The following INPP5D variants were observed in gnomAD, a reference collection of about 807,000 sequenced individuals.
INPP5D encodes the protein inositol polyphosphate-5-phosphatase D.
In INPP5D, 33 loss-of-function variants were observed where a neutral mutation model predicts 122.9. That is an observed-to-expected ratio of 0.27 (90% confidence interval 0.20 to 0.36). The LOEUF is 0.36. Among genes scored for constraint, INPP5D ranks in the 10% least tolerant of loss-of-function variants. INPP5D has a pLI of 1.00. For missense variants in INPP5D, 1,053 were observed against 1,412.7 expected (o/e 0.75, Z 4.08); for synonymous variants, 584 against 576.2 (o/e 1.01, Z -0.19).
intron 2 of INPP5D, among the ~76,000 whole-genome samples, chr2:233,107,034 A>G (rs1001096910): frequency 3.9e-5 from 6 of 152,322 alleles, no homozygotes; most frequent in Middle Eastern, 3.4e-3. Context: ...CTCCCATGGC[A>G]CAGATACTAG....
intron 10 of INPP5D, among the ~76,000 whole-genome samples, chr2:233,158,773 TGA>T (rs2106290702): frequency 1.3e-5 from 2 of 152,006 alleles, no homozygotes; most frequent in Admixed American, 1.3e-4. Flanking sequence ...CTGGATTGAT[TGA>T]TTGATTGATT....
chr2:233,137,931 G>T, intron 5 of INPP5D, among the ~76,000 whole-genome samples: 1 of 60,954 alleles, frequency 1.6e-5, no homozygotes, highest in Non-Finnish European at 3.4e-5. Context: ...TAATATGTTA[G>T]TATTTATTAT....
At chr2:233,147,725 T>C in intron 9 of INPP5D, 131 bp downstream of exon 9, 1 of 620,100 alleles carries the variant, frequency 1.6e-6, no homozygotes, top group Non-Finnish European at 2.9e-6. Context: ...CGCTCATGCT[T>C]TTGTGTGTGT....
chr2:233,182,367 G>A, intron 18 of INPP5D, 43 bp from the exon 19 acceptor site: 1 of 1,611,010 alleles, frequency 6.2e-7, no homozygotes, highest in Non-Finnish European at 8.5e-7. Flanking sequence ...TGACCGGAAG[G>A]GCTTCTCCTT....
At chr2:233,064,607 G>T (rs1256881544) in intron 1 of INPP5D, among the ~76,000 whole-genome samples, 7 of 152,228 alleles carry the variant, frequency 4.6e-5, no homozygotes, top group Admixed American at 4.6e-4. Flanking sequence ...GGAAACCGAG[G>T]TGCAGAGCGG....
At chr2:233,157,885 C>A (rs1694096095) in intron 9 of INPP5D, among the ~76,000 whole-genome samples, 1 of 89,778 alleles carries the variant, frequency 1.1e-5, no homozygotes, top group Non-Finnish European at 2.0e-5. Context: ...CCTTATAGAA[C>A]AACTTGACTC....
intron 5 of INPP5D, among the ~76,000 whole-genome samples, chr2:233,139,305 T>C (rs886975487): frequency 0.014 from 2,087 of 152,232 alleles, 46 homozygotes; most frequent in African/African-American, 0.048. Flanking sequence ...GAGTTGTCAA[T>C]GGATGTGACA....
rs1395260815 is a variant in INPP5D at position 233,170,285 on chromosome 2, C to T, written c.1791+121C>T. The stretch of plus-strand genomic sequence containing the variant: ...CAAGTGGGCTGAGGCGGCTGCTCCC[C>T]TTGGGGGCTCAACGCTGTTTCCATT... On this transcript the variant is annotated intron_variant, in intron 15 of 26. Transcript: ENST00000445964. The surrounding 1 kb of genome is among the most constrained non-coding windows in gnomAD (Gnocchi z 4.5). 10 of 1,509,356 alleles carry T rather than the reference C, an allele frequency of 6.6e-6. No individual in the cohort carries two copies. Among genetic ancestry groups the T allele is most frequent in the Non-Finnish European group, 1.8e-6 (2 of 1,125,090 alleles). 93.5% of individuals were successfully genotyped at this position (1,509,356 alleles called of 1,614,324 possible). A position where few individuals can be genotyped will look rare whatever the true frequency, so the allele number is the denominator to read the frequency against.
At position 233,163,813 on chromosome 2, in the gene INPP5D, C is replaced by A; in HGVS notation, c.1347C>A (p.Ile449=). The change falls in exon 12 of 27, where the codon ATC becomes ATA. Residue 449 remains isoleucine, a synonymous_variant. Coordinates refer to ENST00000445964, the MANE Select transcript of INPP5D (RefSeq NM_001017915.3). The stretch of plus-strand genomic sequence containing the variant: ...ACATCCCCCATGACATTTACGTGAT[C>A]GGCACCCAAGAGGACCCCCTGAGTG... ...ADYIPHDIYV[I]GTQEDPLSEK... 6.2e-7 allele frequency: 1 copy of A among 1,613,914 alleles called. No individual in the cohort carries two copies. The highest frequency in any genetic ancestry group is 1.3e-5 in the African/African-American group (1 of 75,022).
At chr2:233,064,916 A>G (rs1691170857) in intron 1 of INPP5D, among the ~76,000 whole-genome samples, 1 of 152,226 alleles carries the variant, frequency 6.6e-6, no homozygotes, top group East Asian at 1.9e-4. Context: ...GCAATAAGGC[A>G]CTATTTTTCA....
intron 19 of INPP5D, 93 bp downstream of exon 19, chr2:233,182,592 G>C: frequency 6.4e-7 from 1 of 1,557,256 alleles, no homozygotes; most frequent in Non-Finnish European, 8.7e-7. Context: ...GTCTGCATTA[G>C]AGGAAGGCTC....
At chr2:233,168,866 A>T (rs574008434) in intron 13 of INPP5D, 1 of 156,192 alleles carries the variant, frequency 6.4e-6, no homozygotes, top group Non-Finnish European at 1.4e-5. Context: ...CCCTTTGGGA[A>T]CCACTGACCT....
chr2:233,086,189 C>CTTTCTTTT (rs60296918), intron 2 of INPP5D, among the ~76,000 whole-genome samples: 2 of 129,524 alleles, frequency 1.5e-5, no homozygotes, highest in Non-Finnish European at 3.3e-5. Context: ...TTCTTTCTTT[C>CTTTCTTTT]CTTTTTGAGA....
At chr2:233,191,092 G>A (rs1353486979) in intron 22 of INPP5D, among the ~76,000 whole-genome samples, 5 of 152,126 alleles carry the variant, frequency 3.3e-5, no homozygotes, top group African/African-American at 4.8e-5. Flanking sequence ...TACTTAAGAC[G>A]GGTAATTTAT....
chr2:233,163,975 A>T, intron 12 of INPP5D, 72 bp downstream of exon 12: 1 of 1,558,304 alleles, frequency 6.4e-7, no homozygotes, highest in Non-Finnish European at 8.7e-7. Flanking sequence ...TCTCAGAGGC[A>T]AGGGTGGGCT....
intron 2 of INPP5D, among the ~76,000 whole-genome samples, chr2:233,088,922 C>T (rs1559284015): frequency 2.6e-5 from 4 of 152,152 alleles, no homozygotes; most frequent in South Asian, 2.1e-4. Flanking sequence ...GGCCCAGGCG[C>T]GAGGGTCATG....
intron 1 of INPP5D, among the ~76,000 whole-genome samples, chr2:233,063,626 C>T (rs1222842306): frequency 6.6e-6 from 1 of 152,234 alleles, no homozygotes; most frequent in Non-Finnish European, 1.5e-5. Flanking sequence ...AGAGGTCAGC[C>T]CCGTCACCTA....
At chr2:233,169,217 C>A in intron 13 of INPP5D, 88 bp from the exon 14 acceptor site, 1 of 1,532,228 alleles carries the variant, frequency 6.5e-7, no homozygotes. Flanking sequence ...ACTCACTGCC[C>A]CTCTCACCCT....
rs1301158876 is a variant in INPP5D, at chr2:233,183,666, G to C, written c.2162-742G>C. On this transcript the variant is annotated intron_variant, in intron 19 of 26. Transcript: ENST00000445964. This position sits in a 1 kb window ranked among gnomAD's most constrained non-coding sequence, Gnocchi z 4.6. ...CTCCACGGGGGATCAGTACACAGCA[G>C]ATGCTGGAAAACACTGATCACGGGG... is the stretch of plus-strand genomic sequence containing the variant. Among the ~76,000 whole-genome samples the C allele has an allele frequency of 6.6e-6, 1 of 152,230 alleles. No homozygotes were observed. Among genetic ancestry groups the C allele is most frequent in the African/African-American group, 2.4e-5 (1 of 41,468 alleles).
Sources: allele counts gnomAD v4.1 joint callset (sites outside exome capture counted in the v4.1 genomes callset), GRCh38; gene constraint gnomAD v4.1.1; non-coding constraint Gnocchi (gnomAD v3.1); transcripts MANE v1.5; gene names NCBI Gene and HGNC (gene_info 2026-07-23, HGNC 2026-07-21).